The following MED1 variants were observed in gnomAD, a reference collection of about 807,000 sequenced individuals.
The protein encoded by MED1 is mediator of RNA polymerase II transcription subunit 1.
Under a neutral mutation model 121.3 loss-of-function variants are expected in MED1, and 17 were observed. The ratio of observed to expected loss-of-function variants is 0.14; its 90% confidence interval spans 0.10 to 0.21. The LOEUF is 0.21. Ranked by LOEUF, MED1 falls within the 10% of genes least tolerant of loss-of-function variation. The pLI is 1.00. For missense variants in MED1, 1,558 were observed against 1,919.4 expected (o/e 0.81, Z 3.52); for synonymous variants, 661 against 694.4 (o/e 0.95, Z 0.76).
chr17:39,419,430 CAG>C (rs1228378842), intron 14 of MED1, among the ~76,000 whole-genome samples: 1 of 147,208 alleles, frequency 6.8e-6, no homozygotes, highest in Non-Finnish European at 1.5e-5. Context: ...TTTTTTGAGA[CAG>C]AGTCTTGCTC....
At chr17:39,450,292 TTGAGAAACCTGC>T (rs2048770112) in intron 1 of MED1, among the ~76,000 whole-genome samples, 2 of 152,182 alleles carry the variant, frequency 1.3e-5, no homozygotes, top group East Asian at 1.9e-4. Context: ...TTTGTTTTTC[TTGAGAAACCTGC>T]TGATAAATAT....
chr17:39,409,854 T>A lies in MED1; in HGVS notation c.2367A>T (p.Glu789Asp). ...CACTAGTGCTGGGAAGTTTAGAAGC[T>A]TCTTCTGCAATGTCTGAAAGGATGT... The part of the protein sequence containing the change: ...VTDILSDIAE[E>D]ASKLPSTSDD... The change falls in exon 17 of 17, where the codon GAA (glutamate) becomes GAT (aspartate). Residue 789 changes from glutamate to aspartate, a missense_variant. Glu to Asp is a conservative substitution (Grantham distance 45). Transcript: ENST00000300651. The A allele has an allele frequency of 3.1e-6, 5 of 1,614,160 alleles. No homozygotes were observed. Among genetic ancestry groups the A allele is most frequent in the Non-Finnish European group, 4.2e-6 (5 of 1,180,014 alleles).
At position 39,407,320 on chromosome 17, in the gene MED1, G is replaced by C; in HGVS notation, c.*155C>G. Reference sequence around the variant, plus strand: ...GGTTTCTTTAATAGGGTCTGGATATGCCTTTCTAATTCACCCAGCTTGATG... The same window carrying C: ...GGTTTCTTTAATAGGGTCTGGATATCCCTTTCTAATTCACCCAGCTTGATG... On this transcript the variant is annotated 3_prime_UTR_variant, in exon 17 of 17. Coordinates refer to ENST00000300651, the MANE Select transcript of MED1 (RefSeq NM_004774.4). 2 of 1,404,886 alleles carry C rather than the reference G, an allele frequency of 1.4e-6. No individual in the cohort carries two copies. The highest frequency in any genetic ancestry group is 1.8e-6 in the Non-Finnish European group (2 of 1,084,288). The allele number at this position is 1,404,886 out of a possible 1,614,324, so 87.0% of individuals were successfully genotyped here. A position where few individuals can be genotyped will look rare whatever the true frequency, so the allele number is the denominator to read the frequency against.
chr17:39,422,896 C>G (rs557454753), intron 13 of MED1, among the ~76,000 whole-genome samples: 13 of 125,804 alleles, frequency 1.0e-4, no homozygotes, highest in Non-Finnish European at 1.6e-4. Context: ...GACAGAGTCT[C>G]GCTCTGTCAC....
intron 10 of MED1, among the ~76,000 whole-genome samples, chr17:39,425,675 G>A (rs1188078827): frequency 2.6e-5 from 4 of 151,950 alleles, no homozygotes; most frequent in Non-Finnish European, 4.4e-5. Context: ...GGTGACAGGC[G>A]CCTGTAATCC....
At position 39,443,541 on chromosome 17, in the gene MED1, T is replaced by G; in HGVS notation, c.211+9A>C. 1 of 1,609,806 alleles carries G rather than the reference T, an allele frequency of 6.2e-7. No homozygotes were observed. The highest frequency in any genetic ancestry group is 1.1e-5 in the South Asian group (1 of 90,990). ...GTGAAATCAGCATATTTCAAAAGTG[T>G]TCACAAACCTTTGAGAGCCTTCTGC... is the stretch of plus-strand genomic sequence containing the variant. On this transcript the variant is annotated intron_variant, in intron 3 of 16. Transcript: ENST00000300651.
intron 6 of MED1, among the ~76,000 whole-genome samples, chr17:39,438,534 G>C (rs540525756): frequency 2.0e-5 from 3 of 151,618 alleles, no homozygotes; most frequent in African/African-American, 7.3e-5. Flanking sequence ...TCTTTTTTTA[G>C]TAGAGATGGG....
rs573263275 is a variant in MED1, at chr17:39,409,227, G to T, written c.2994C>A (p.Thr998=). The T allele has an allele frequency of 1.2e-6, 2 of 1,613,924 alleles. No individual in the cohort carries two copies. The highest frequency in any genetic ancestry group is 1.7e-6 in the Non-Finnish European group (2 of 1,180,018). The part of the protein sequence containing the change: ...LDSKPGKRSR[T]PSNDGKSKDK... ...CTTTGCTTTTCCCATCATTAGAAGG[G>T]GTCCGACTGCGCTTCCCTGGTTTGC... Residue 998 remains threonine, a synonymous_variant, in exon 17 of 17, where the codon ACC becomes ACA. Coordinates refer to ENST00000300651, the MANE Select transcript of MED1 (RefSeq NM_004774.4).
At chr17:39,424,759 G>C (rs2048498886) in intron 10 of MED1, 21 bp from the exon 11 acceptor site, 3 of 1,389,524 alleles carry the variant, frequency 2.2e-6, no homozygotes, top group East Asian at 2.3e-5. Context: ...GAAAGAAAAA[G>C]GGTATTCCTC....
chr17:39,444,371 G>A (rs1261074429), intron 2 of MED1, among the ~76,000 whole-genome samples: 1 of 151,862 alleles, frequency 6.6e-6, no homozygotes, highest in Non-Finnish European at 1.5e-5. Flanking sequence ...TCTGGGCGTG[G>A]TGGTGCACGC....
chr17:39,431,080 A>G, intron 9 of MED1, 35 bp downstream of exon 9: 1 of 1,524,992 alleles, frequency 6.6e-7, no homozygotes. Context: ...CTTAAATTAC[A>G]CATGTTTCTA....
intron 14 of MED1, among the ~76,000 whole-genome samples, chr17:39,419,300 TCATG>T (rs1185810331): frequency 6.6e-6 from 1 of 151,856 alleles, no homozygotes; most frequent in African/African-American, 2.4e-5. Flanking sequence ...CGATCTCAAA[TCATG>T]GGCTCAAGTG....
chr17:39,439,280 C>A, intron 5 of MED1, 87 bp from the exon 6 acceptor site: 1 of 1,003,226 alleles, frequency 1.0e-6, no homozygotes, highest in South Asian at 1.6e-5. Context: ...TTCTATAGCA[C>A]ATGTTTTACA....
intron 5 of MED1, among the ~76,000 whole-genome samples, chr17:39,439,985 AGAAGGAAGGAAGGAAG>A (rs1172811100): frequency 2.4e-5 from 3 of 125,604 alleles, no homozygotes; most frequent in Admixed American, 8.6e-5. Flanking sequence ...AAAGAAAGAA[AGAAGGAAGGAAGGAAG>A]GAAGGAAGGA....
chr17:39,429,790 T>C (rs1437603951), intron 9 of MED1, among the ~76,000 whole-genome samples: 1 of 148,096 alleles, frequency 6.8e-6, no homozygotes, highest in East Asian at 2.0e-4. Flanking sequence ...TATATGTTTA[T>C]AAACCCCAAG....
intron 10 of MED1, among the ~76,000 whole-genome samples, chr17:39,425,064 A>G (rs1427319713): frequency 2.6e-5 from 4 of 152,030 alleles, no homozygotes; most frequent in Non-Finnish European, 5.9e-5. Flanking sequence ...TATTTTTAGT[A>G]GAGATGGGGT....
intron 2 of MED1, chr17:39,445,294 C>A (rs954857437): frequency 1.3e-5 from 2 of 151,618 alleles, no homozygotes; most frequent in Non-Finnish European, 2.9e-5. Context: ...CTCACTGCAA[C>A]CTCCACCTCC....
chr17:39,444,202 T>C (rs1323586353), intron 2 of MED1, among the ~76,000 whole-genome samples: 10 of 151,948 alleles, frequency 6.6e-5, no homozygotes, highest in Non-Finnish European at 7.4e-5. Flanking sequence ...GAAAATGAGA[T>C]TGACTCTAAA....
At chr17:39,447,357 A>G (rs2048737998) in intron 2 of MED1, among the ~76,000 whole-genome samples, 1 of 150,672 alleles carries the variant, frequency 6.6e-6, no homozygotes, top group Non-Finnish European at 1.5e-5. Flanking sequence ...GGCTATTACA[A>G]CCCAGCCTGG....
Sources: allele counts gnomAD v4.1 joint callset (sites outside exome capture counted in the v4.1 genomes callset), GRCh38; gene constraint gnomAD v4.1.1; transcripts MANE v1.5; gene names NCBI Gene and HGNC (gene_info 2026-07-23, HGNC 2026-07-21).